PPL: variants seen among roughly 807,000 people sequenced by gnomAD.
PPL encodes 190 kDa paraneoplastic pemphigus antigen.
In PPL, 198 loss-of-function variants were observed where a neutral mutation model predicts 194.4. That is an observed-to-expected ratio of 1.02 (90% CI 0.91 to 1.15). The LOEUF is 1.15. Among genes scored for constraint, PPL ranks in the 50% most tolerant of loss-of-function variants. The pLI is 0.00. For missense variants in PPL, 2,885 were observed against 2,294.8 expected (o/e 1.26, Z -5.25); for synonymous variants, 1,220 against 972.4 (o/e 1.25, Z -4.74).
At position 4,902,987 on chromosome 16, in the gene PPL, C is replaced by G. The variant is rs889698880; in HGVS notation, c.318-461G>C. ...CACAGGCGTGAGCCACCGTGCCTGG[C>G]CCCACCCACTTTCCCTCAACCTTCC... On this transcript the variant is annotated intron_variant, in intron 3 of 21. Coordinates refer to ENST00000345988, the MANE Select transcript of PPL (RefSeq NM_002705.5). The surrounding 1 kb of genome is among the most constrained non-coding windows in gnomAD (Gnocchi z 4.0). Among the ~76,000 whole-genome samples, 1 of 152,184 alleles carries G rather than the reference C, an allele frequency of 6.6e-6. No homozygotes were observed. Among genetic ancestry groups the G allele is most frequent in the African/African-American group, 2.4e-5 (1 of 41,448 alleles).
At chr16:4,897,539 C>T (rs188389212) in intron 9 of PPL, 136 bp downstream of exon 9, 66 of 644,208 alleles carry the variant, frequency 1.0e-4, no homozygotes, top group African/African-American at 9.8e-4. Flanking sequence ...AGCATGGGTG[C>T]TGGGGGCCTG....
chr16:4,890,356 G>T (rs1478696481), intron 17 of PPL, 22 bp from the exon 18 acceptor site: 8 of 1,578,092 alleles, frequency 5.1e-6, no homozygotes, highest in South Asian at 1.2e-5. Context: ...AAGCGTTCAG[G>T]CCTCAGCCAC....
intron 16 of PPL, among the ~76,000 whole-genome samples, chr16:4,891,189 T>TCTGGTCATGAGG (rs2088313937): frequency 6.6e-6 from 1 of 152,210 alleles, no homozygotes; most frequent in Admixed American, 6.5e-5. Flanking sequence ...CCTGCCACTG[T>TCTGGTCATGAGG]CTGGTCATGA....
intron 1 of PPL, among the ~76,000 whole-genome samples, chr16:4,925,091 T>C (rs2089131403): frequency 6.6e-6 from 1 of 152,082 alleles, no homozygotes; most frequent in Non-Finnish European, 1.5e-5. Flanking sequence ...AGTGGGTGTG[T>C]ATTGGGGTTG....
chr16:4,895,522 G>A (rs2088409750), intron 10 of PPL, 72 bp downstream of exon 10: 8 of 1,609,984 alleles, frequency 5.0e-6, no homozygotes, highest in Admixed American at 3.3e-5. Context: ...GCCTGTACAG[G>A]GCTGAGGGCA....
chr16:4,908,087 G>A (rs2088734004), intron 2 of PPL, among the ~76,000 whole-genome samples: 3 of 151,256 alleles, frequency 2.0e-5, no homozygotes, highest in East Asian at 1.9e-4. Context: ...ACTTGAACCC[G>A]GGAGGTGGAG....
At chr16:4,911,786 C>T (rs753286013) in intron 1 of PPL, among the ~76,000 whole-genome samples, 5 of 151,864 alleles carry the variant, frequency 3.3e-5, no homozygotes, top group Admixed American at 6.6e-5. Flanking sequence ...AATTCGTCCA[C>T]CTTGGACTCC....
At position 4,899,103 on chromosome 16, in the gene PPL, G is replaced by A; in HGVS notation, c.786C>T (p.Asn262=). The change falls in exon 8 of 22, where the codon AAC becomes AAT. Residue 262 remains asparagine, a synonymous_variant. Transcript: ENST00000345988. The part of the protein sequence containing the change: ...RRQYENFINR[N]LEAKEERINK... ...TGATTCTCTCCTCTTTGGCCTCCAG[G>A]TTCCGGTTGATGAAATTCTGCAGTG... 1 of 1,613,926 alleles carries A rather than the reference G, an allele frequency of 6.2e-7. No homozygotes were observed. Among genetic ancestry groups the A allele is most frequent in the Admixed American group, 1.7e-5 (1 of 60,028 alleles).
intron 1 of PPL, among the ~76,000 whole-genome samples, chr16:4,935,365 T>A (rs926003651): frequency 2.0e-5 from 3 of 152,068 alleles, no homozygotes; most frequent in Non-Finnish European, 2.9e-5. Flanking sequence ...TGTGGGTGTC[T>A]GCATGTGTGA....
Position 4,902,301 on chromosome 16 carries a change from C to T in PPL, c.438+105G>A. The T allele has an allele frequency of 1.3e-6, 2 of 1,520,226 alleles. No individual in the cohort carries two copies. The highest frequency in any genetic ancestry group is 2.3e-5 in the East Asian group (1 of 43,494). The allele number at this position is 1,520,226 out of a possible 1,614,324, so 94.2% of individuals were successfully genotyped here. A position where few individuals can be genotyped will look rare whatever the true frequency, so the allele number is the denominator to read the frequency against. ...AACCATCAGGACCACGACTGTCTCC[C>T]TGGTAAGACCCGGGATGCCCATTAC... On this transcript the variant is annotated intron_variant, in intron 4 of 21. Coordinates refer to ENST00000345988, the MANE Select transcript of PPL (RefSeq NM_002705.5). The surrounding 1 kb of genome is among the most constrained non-coding windows in gnomAD (Gnocchi z 4.0).
At position 4,902,073 on chromosome 16, in the gene PPL, A is replaced by G. The variant is rs2088584508; in HGVS notation, c.438+333T>C. Among the ~76,000 whole-genome samples, 1 of 152,258 alleles carries G rather than the reference A, an allele frequency of 6.6e-6. No individual in the cohort carries two copies. The highest frequency in any genetic ancestry group is 2.1e-4 in the South Asian group (1 of 4,834). Reference sequence around the variant, plus strand: ...CACCCAGGAAAGGGAGCGACAGGCCAGAAGCCTGGCCGCTTCCGCCCCAGC... The same window carrying G: ...CACCCAGGAAAGGGAGCGACAGGCCGGAAGCCTGGCCGCTTCCGCCCCAGC... On this transcript the variant is annotated intron_variant, in intron 4 of 21. Transcript: ENST00000345988. The surrounding 1 kb of genome is among the most constrained non-coding windows in gnomAD (Gnocchi z 4.0).
chr16:4,892,028 C>T lies in PPL; in HGVS notation c.1829+7G>A. 1 of 1,612,504 alleles carries T rather than the reference C, an allele frequency of 6.2e-7. No individual in the cohort carries two copies. Among genetic ancestry groups the T allele is most frequent in the Non-Finnish European group, 8.5e-7 (1 of 1,179,090 alleles). On this transcript the variant is annotated splice_region_variant and intron_variant, in intron 15 of 21. Transcript: ENST00000345988. Reference sequence around the variant, plus strand: ...CCCAACCTCCATGCTGCCTGTCTGCCACCCACTTCTCCTGGGCCAAGTCCA... The same window carrying T: ...CCCAACCTCCATGCTGCCTGTCTGCTACCCACTTCTCCTGGGCCAAGTCCA...
intron 9 of PPL, 114 bp from the exon 10 acceptor site, chr16:4,895,830 G>C (rs2088417272): frequency 7.7e-6 from 11 of 1,421,626 alleles, no homozygotes; most frequent in African/African-American, 1.4e-5. Context: ...TTCACCTGGA[G>C]TCCAGCATGG....
chr16:4,889,893 C>T (rs187776717), intron 18 of PPL, among the ~76,000 whole-genome samples: 26 of 152,316 alleles, frequency 1.7e-4, no homozygotes, highest in Admixed American at 8.5e-4. Context: ...CCCACAAAGG[C>T]GGCTCCTCAT....
At chr16:4,894,065 C>T (rs780464122) in intron 12 of PPL, among the ~76,000 whole-genome samples, 12 of 152,278 alleles carry the variant, frequency 7.9e-5, no homozygotes, top group African/African-American at 2.4e-4. Flanking sequence ...ATGAGACTGA[C>T]GCATACGCTA....
intron 1 of PPL, among the ~76,000 whole-genome samples, chr16:4,916,640 G>A (rs372473244): frequency 4.6e-5 from 7 of 150,850 alleles, no homozygotes; most frequent in Admixed American, 2.6e-4. Flanking sequence ...GAGTAACTGC[G>A]ACTACAGGCG....
intron 2 of PPL, among the ~76,000 whole-genome samples, chr16:4,904,443 G>A (rs1345291060): frequency 6.6e-6 from 1 of 152,138 alleles, no homozygotes; most frequent in Non-Finnish European, 1.5e-5. Context: ...GTGACTGCAA[G>A]TCCCTCCAAG....
chr16:4,907,525 G>C (rs1256675936), intron 2 of PPL, among the ~76,000 whole-genome samples: 1 of 152,142 alleles, frequency 6.6e-6, no homozygotes, highest in Non-Finnish European at 1.5e-5. Context: ...TCCACAGAGA[G>C]AAAGCAGATT....
rs147917270 is a variant in PPL at position 4,932,363 on chromosome 16, G to A, written c.62+4621C>T. Among the ~76,000 whole-genome samples the A allele has an allele frequency of 4.9e-3, 742 of 151,774 alleles. 7 individuals are homozygous for A. The highest frequency in any genetic ancestry group is 0.017 in the African/African-American group (701 of 41,352). On this transcript the variant is annotated intron_variant, in intron 1 of 21. Transcript: ENST00000345988. The stretch of plus-strand genomic sequence containing the variant: ...GATCGATGGGTGCATGTGCGTGTCT[G>A]CTTGAGTCAGCTCCCTGGTCAGCTC...
Sources: allele counts gnomAD v4.1 joint callset (sites outside exome capture counted in the v4.1 genomes callset), GRCh38; gene constraint gnomAD v4.1.1; non-coding constraint Gnocchi (gnomAD v3.1); transcripts MANE v1.5; gene names NCBI Gene and HGNC (gene_info 2026-07-23, HGNC 2026-07-21).